Variants in DCDC1 observed in about 807,000 individuals in gnomAD.
The protein encoded by DCDC1 is doublecortin domain containing 1.
DCDC1 carries 200 observed loss-of-function variants against 178.3 expected under a neutral mutation model. That is an observed-to-expected ratio of 1.12 (90% confidence interval 1.00 to 1.26). The LOEUF (loss-of-function observed/expected upper bound fraction) is 1.26, where lower values mean the gene tolerates loss of function less well. Among genes scored for constraint, DCDC1 ranks in the 50% most tolerant of loss-of-function variants. The pLI, the probability that DCDC1 is intolerant of heterozygous loss-of-function variation, is 0.00. For synonymous variants in DCDC1, 690 were observed against 604.8 expected (o/e 1.14, Z -2.07); for missense variants, 1,983 against 1,749.2 (o/e 1.13, Z -2.38).
chr11:30,904,165 A>T (rs1306523200), intron 31 of DCDC1: 1 of 152,290 alleles, frequency 6.6e-6, no homozygotes, highest in Non-Finnish European at 1.5e-5. Flanking sequence ...GTCCAAGACC[A>T]TAAAAGCCAG....
At chr11:31,049,205 A>C (rs192263688) in intron 20 of DCDC1, among the ~76,000 whole-genome samples, 1 of 152,362 alleles carries the variant, frequency 6.6e-6, no homozygotes, top group African/African-American at 2.4e-5. Flanking sequence ...GGTTAGTTAT[A>C]TAAGCTTTAT....
At chr11:30,904,649 AG>A in intron 31 of DCDC1, 1 of 323,892 alleles carries the variant, frequency 3.1e-6, no homozygotes, top group South Asian at 4.8e-5. Flanking sequence ...GAAACAAGGC[AG>A]AAAAAGGCAT....
At chr11:31,002,912 T>G (rs1446842545) in intron 20 of DCDC1, among the ~76,000 whole-genome samples, 1 of 152,108 alleles carries the variant, frequency 6.6e-6, no homozygotes, top group East Asian at 1.9e-4. Flanking sequence ...ATTATTAACA[T>G]GCTACATACA....
chr11:31,000,381 G>A (rs895112859), intron 20 of DCDC1, among the ~76,000 whole-genome samples: 1 of 152,104 alleles, frequency 6.6e-6, no homozygotes, highest in Non-Finnish European at 1.5e-5. Flanking sequence ...TCTTAGAGGA[G>A]GAGGATTCTT....
At chr11:30,950,023 A>G (rs908051880) in intron 21 of DCDC1, among the ~76,000 whole-genome samples, 6 of 152,042 alleles carry the variant, frequency 3.9e-5, no homozygotes, top group Admixed American at 1.3e-4. Flanking sequence ...TGGGCAAAAG[A>G]GCTGAATAGA....
chr11:30,955,259 A>G (rs976804007), intron 20 of DCDC1, among the ~76,000 whole-genome samples: 1 of 152,122 alleles, frequency 6.6e-6, no homozygotes, highest in African/African-American at 2.4e-5. Flanking sequence ...TACTCCATCC[A>G]CTTCCAAAGA....
rs1951798979 is a variant in DCDC1, at chr11:31,005,727, C to A, written c.2592-53159G>T. On this transcript the variant is annotated intron_variant, in intron 20 of 38. Coordinates refer to ENST00000684477, the MANE Select transcript of DCDC1 (RefSeq NM_001387274.1). ...TACAGATAGTCTCTTCAGCCTTCAC[C>A]ATCAGCCAATGACAGTTTATAGCTC... Among the ~76,000 whole-genome samples the A allele has an allele frequency of 1.3e-5, 2 of 151,996 alleles. 1 individual carries two copies. The highest frequency in any genetic ancestry group is 4.1e-4 in the South Asian group (2 of 4,828).
intron 10 of DCDC1, among the ~76,000 whole-genome samples, chr11:31,129,682 C>T (rs921949051): frequency 6.6e-6 from 1 of 151,720 alleles, no homozygotes; most frequent in Non-Finnish European, 1.5e-5. Flanking sequence ...AAGTAATAGC[C>T]CTCAATCCCC....
At chr11:31,273,677 G>A (rs1006149500) in intron 7 of DCDC1, among the ~76,000 whole-genome samples, 4 of 152,094 alleles carry the variant, frequency 2.6e-5, no homozygotes, top group Admixed American at 6.6e-5. Flanking sequence ...TTCGAAAGTC[G>A]CTTCCACATT....
intron 9 of DCDC1, among the ~76,000 whole-genome samples, chr11:31,198,033 T>C (rs1303532244): frequency 6.6e-6 from 1 of 150,546 alleles, no homozygotes; most frequent in East Asian, 1.9e-4. Context: ...GTATGTGTAT[T>C]TTATGAAGTA....
At chr11:31,256,564 G>C (rs1300849387) in intron 8 of DCDC1, among the ~76,000 whole-genome samples, 2 of 152,186 alleles carry the variant, frequency 1.3e-5, no homozygotes, top group South Asian at 2.1e-4. Context: ...CTTTCACTGA[G>C]TGGCGTCATG....
chr11:30,967,676 C>A (rs553868193), intron 20 of DCDC1, among the ~76,000 whole-genome samples: 2 of 152,210 alleles, frequency 1.3e-5, no homozygotes, highest in Admixed American at 1.3e-4. Flanking sequence ...CAGAACAGGT[C>A]AAAGAGATTA....
intron 18 of DCDC1, among the ~76,000 whole-genome samples, chr11:31,071,329 T>G (rs1017506600): frequency 6.6e-6 from 1 of 152,206 alleles, no homozygotes; most frequent in African/African-American, 2.4e-5. Flanking sequence ...TAAGTAGTAC[T>G]ATAATGGACA....
At position 31,135,081 on chromosome 11, in the gene DCDC1, G is replaced by T. The variant is rs565128308; in HGVS notation, c.1314+2611C>A. On this transcript the variant is annotated intron_variant, in intron 10 of 38. Transcript: ENST00000684477. ...GTGGTTTTACGATGCATACGTTACT[G>T]TTACTCCCAAATTTCATGTGGAAAA... Among the ~76,000 whole-genome samples the T allele has an allele frequency of 5.9e-5, 9 of 152,248 alleles. No individual in the cohort carries two copies. The South Asian group carries it at 1.9e-3, about 32-fold the overall frequency.
intron 7 of DCDC1, among the ~76,000 whole-genome samples, chr11:31,284,729 C>G (rs1159008926): frequency 6.6e-6 from 1 of 151,662 alleles, no homozygotes; most frequent in Non-Finnish European, 1.5e-5. Flanking sequence ...GCCTCTGCCT[C>G]TAAGGTTCAA....
intron 8 of DCDC1, among the ~76,000 whole-genome samples, chr11:31,253,872 C>T (rs1195732683): frequency 6.6e-6 from 1 of 152,134 alleles, no homozygotes; most frequent in African/African-American, 2.4e-5. Context: ...AGTACACTTC[C>T]CACCTTATTC....
intron 9 of DCDC1, among the ~76,000 whole-genome samples, chr11:31,205,276 T>C (rs1971737159): frequency 6.6e-6 from 1 of 152,154 alleles, no homozygotes; most frequent in Non-Finnish European, 1.5e-5. Context: ...CAGCAGAGAT[T>C]AGTAGTTGAA....
intron 17 of DCDC1, among the ~76,000 whole-genome samples, chr11:31,079,283 C>CA (rs1957040100): frequency 6.6e-6 from 1 of 152,130 alleles, no homozygotes; most frequent in African/African-American, 2.4e-5. Context: ...CATCCATGTG[C>CA]CAGGAGGGTG....
intron 1 of DCDC1, among the ~76,000 whole-genome samples, chr11:31,347,623 A>G (rs1015837784): frequency 6.6e-6 from 1 of 152,184 alleles, no homozygotes; most frequent in African/African-American, 2.4e-5. Context: ...GGACCACCCT[A>G]TATGTATCCT....
Sources: gnomAD v4.1 joint callset for allele counts (sites outside exome capture counted in the v4.1 genomes callset) on GRCh38, gnomAD v4.1.1 for gene constraint, MANE v1.5 for transcripts, NCBI Gene and HGNC (gene_info 2026-07-23, HGNC 2026-07-21) for gene names.